TNRC18: variants seen among roughly 807,000 people sequenced by gnomAD.
TNRC18 encodes trinucleotide repeat containing 18.
TNRC18 carries 69 observed loss-of-function variants against 226.7 expected under a neutral mutation model. The observed-to-expected ratio is 0.30, with a 90% confidence interval of 0.25 to 0.37. The LOEUF (loss-of-function observed/expected upper bound fraction) is 0.37, where lower values mean the gene tolerates loss of function less well. Among genes scored for constraint, TNRC18 ranks in the 10% least tolerant of loss-of-function variants. The pLI is 1.00. For missense variants in TNRC18, 4,754 were observed against 4,256.6 expected (o/e 1.12, Z -3.25); for synonymous variants, 2,449 against 1,927.6 (o/e 1.27, Z -7.09).
rs527766744 is a variant in TNRC18 at position 5,338,100 on chromosome 7, A to T, written c.5720-5051T>A. Among the ~76,000 whole-genome samples, 282 of 152,344 alleles carry T rather than the reference A, an allele frequency of 1.9e-3. 3 individuals carry two copies. The highest frequency in any genetic ancestry group is 6.1e-3 in the African/African-American group (255 of 41,584). On this transcript the variant is annotated intron_variant, in intron 18 of 29. Transcript: ENST00000430969. ...GTATGATATGGACTTACAAAGTTGCAAGATTTCTGTATTTTATGTGAAAAA... is the reference window on the plus strand; with the variant it reads ...GTATGATATGGACTTACAAAGTTGCTAGATTTCTGTATTTTATGTGAAAAA...
At chr7:5,397,438 G>A (rs1056323777) in intron 2 of TNRC18, among the ~76,000 whole-genome samples, 12 of 152,188 alleles carry the variant, frequency 7.9e-5, no homozygotes, top group African/African-American at 2.9e-4. Context: ...CCCACCACAG[G>A]GCTCAATGGC....
rs142153526 is a variant in TNRC18 at position 5,349,487 on chromosome 7, G to C, written c.5470+2332C>G. 1.9e-4 allele frequency among the ~76,000 whole-genome samples: 29 copies of C among 152,324 alleles called. No homozygotes were observed. In the East Asian group the frequency reaches 4.0e-3, roughly 21 times the overall value. On this transcript the variant is annotated intron_variant, in intron 17 of 29. Transcript: ENST00000430969. The stretch of plus-strand genomic sequence containing the variant: ...TCTTGGCTCAGGACATGGGGTTGGC[G>C]GTGACAGGTTGGTGGTAAATGTCAG...
At chr7:5,331,545 T>G (rs1789521665) in intron 19 of TNRC18, among the ~76,000 whole-genome samples, 1 of 150,590 alleles carries the variant, frequency 6.6e-6, no homozygotes, top group South Asian at 2.1e-4. Flanking sequence ...AACCACAGAG[T>G]CTTGCAGCAA....
chr7:5,402,519 C>A (rs568330784), intron 2 of TNRC18, among the ~76,000 whole-genome samples: 7 of 150,096 alleles, frequency 4.7e-5, no homozygotes, highest in African/African-American at 1.7e-4. Flanking sequence ...TGTGACAGAG[C>A]GAGACCCTGT....
At position 5,324,611 on chromosome 7, in the gene TNRC18, G is replaced by A. The variant is rs1788711573; in HGVS notation, c.6301-256C>T. On this transcript the variant is annotated intron_variant, in intron 20 of 29. Transcript: ENST00000430969. The surrounding 1 kb of genome is among the most constrained non-coding windows in gnomAD (Gnocchi z 4.8). ...GCTCAGTATCAGCACTCAGCACTCA[G>A]TACTCACTACCATACCTCAGTCCAT... 6.6e-6 allele frequency among the ~76,000 whole-genome samples: 1 copy of A among 152,234 alleles called. No individual in the cohort carries two copies. Among genetic ancestry groups the A allele is most frequent in the Admixed American group, 6.5e-5 (1 of 15,272 alleles).
chr7:5,377,723 CCA>C lies in TNRC18; in HGVS notation c.2256-149_2256-148del, dbSNP rs1779098419. The C allele has an allele frequency of 9.2e-6, 10 of 1,085,630 alleles. No homozygotes were observed. In the South Asian group the frequency reaches 1.6e-4, roughly 17 times the overall value. The allele number at this position is 1,085,630 out of a possible 1,614,324, so 67.2% of individuals were successfully genotyped here. On this transcript the variant is annotated intron_variant, in intron 6 of 29. Coordinates refer to ENST00000430969, the MANE Select transcript of TNRC18 (RefSeq NM_001080495.3). This position sits in a 1 kb window ranked among gnomAD's most constrained non-coding sequence, Gnocchi z 5.8. ...GAACTGAAGGGCCTCCCGGGGCCTT[CCA>C]CACTCACTGTAGGGGCAGTGGGGCC... is the stretch of plus-strand genomic sequence containing the variant.
At chr7:5,330,911 G>A (rs975773319) in intron 19 of TNRC18, among the ~76,000 whole-genome samples, 7 of 152,164 alleles carry the variant, frequency 4.6e-5, no homozygotes, top group African/African-American at 1.4e-4. Flanking sequence ...CTGACCTCAA[G>A]TGATCCACCC....
At chr7:5,371,841 G>A (rs1051464087) in intron 10 of TNRC18, among the ~76,000 whole-genome samples, 1 of 152,114 alleles carries the variant, frequency 6.6e-6, no homozygotes, top group African/African-American at 2.4e-5. Context: ...GAGGCCAAAG[G>A]GGGATGATCG....
intron 3 of TNRC18, among the ~76,000 whole-genome samples, chr7:5,391,588 G>A (rs1364304856): frequency 6.6e-6 from 1 of 151,884 alleles, no homozygotes; most frequent in Admixed American, 6.6e-5. Flanking sequence ...TGGGATTACA[G>A]GTGTGAGCCA....
chr7:5,347,189 A>ATTTT (rs1317535974), intron 17 of TNRC18, among the ~76,000 whole-genome samples: 5 of 132,264 alleles, frequency 3.8e-5, no homozygotes, highest in African/African-American at 1.4e-4. Context: ...AAAAAAAAAA[A>ATTTT]TTTTTTTTTT....
rs780056078 is a variant in TNRC18, at chr7:5,313,022, G to A, written c.7869C>T (p.Ser2623=). The A allele has an allele frequency of 8.3e-6, 7 of 843,390 alleles. No individual in the cohort carries two copies. The highest frequency in any genetic ancestry group is 1.1e-5 in the Non-Finnish European group (6 of 527,844). The allele number at this position is 843,390 out of a possible 1,614,324, so 52.2% of individuals were successfully genotyped here. The part of the protein sequence containing the change: ...ASSSSSSSSS[S]SSSSSSSSSS... ...AGGAGGATGAGGAGGAGGAGGAGGAGGAGGAGGAGGATGAGGAGGAGGAGG... is the reference window on the plus strand; with the variant it reads ...AGGAGGATGAGGAGGAGGAGGAGGAAGAGGAGGAGGATGAGGAGGAGGAGG... Residue 2623 remains serine, a synonymous_variant, in exon 27 of 30, where the codon TCC becomes TCT. Coordinates refer to ENST00000430969, the MANE Select transcript of TNRC18 (RefSeq NM_001080495.3).
At chr7:5,353,392 CTG>C (rs768839888) in intron 16 of TNRC18, among the ~76,000 whole-genome samples, 1 of 152,028 alleles carries the variant, frequency 6.6e-6, no homozygotes, top group Non-Finnish European at 1.5e-5. Flanking sequence ...AATACACAAA[CTG>C]TTGTATTTTC....
At chr7:5,354,746 G>A (rs530355503) in intron 16 of TNRC18, among the ~76,000 whole-genome samples, 18 of 152,142 alleles carry the variant, frequency 1.2e-4, no homozygotes, top group African/African-American at 3.6e-4. Flanking sequence ...CGAAACACAC[G>A]CACCCTGAAA....
intron 18 of TNRC18, among the ~76,000 whole-genome samples, chr7:5,344,521 T>G (rs945939244): frequency 6.6e-6 from 1 of 151,994 alleles, no homozygotes; most frequent in Non-Finnish European, 1.5e-5. Flanking sequence ...CAAATGGGGT[T>G]CCAAGACACT....
At chr7:5,340,969 C>T (rs1790625245) in intron 18 of TNRC18, among the ~76,000 whole-genome samples, 2 of 152,076 alleles carry the variant, frequency 1.3e-5, no homozygotes. Flanking sequence ...AAGTCAGTGC[C>T]TGGTTTAAAA....
chr7:5,360,961 A>G (rs1792974163), intron 14 of TNRC18, among the ~76,000 whole-genome samples: 2 of 151,020 alleles, frequency 1.3e-5, no homozygotes, highest in African/African-American at 4.9e-5. Context: ...GGCTCCCAAC[A>G]CTCCAACCCC....
intron 2 of TNRC18, among the ~76,000 whole-genome samples, chr7:5,400,782 T>C (rs1781031556): frequency 1.3e-5 from 2 of 152,182 alleles, no homozygotes; most frequent in Admixed American, 6.5e-5. Context: ...CTCACACCTT[T>C]AATCTCAGCA....
At chr7:5,334,737 T>C (rs1233748840) in intron 18 of TNRC18, among the ~76,000 whole-genome samples, 1 of 152,024 alleles carries the variant, frequency 6.6e-6, no homozygotes, top group African/African-American at 2.4e-5. Flanking sequence ...CCCCCAGAGA[T>C]CCACTGGAAC....
chr7:5,420,321 CTT>C (rs1562649142), intron 2 of TNRC18: 1 of 454,124 alleles, frequency 2.2e-6, no homozygotes, highest in Non-Finnish European at 4.4e-6. Context: ...GACCCGCTCT[CTT>C]CTTTCCCCCT....
Sources: gnomAD v4.1 joint callset for allele counts (sites outside exome capture counted in the v4.1 genomes callset) on GRCh38, gnomAD v4.1.1 for gene constraint, Gnocchi (gnomAD v3.1) non-coding constraint, MANE v1.5 for transcripts, NCBI Gene and HGNC (gene_info 2026-07-23, HGNC 2026-07-21) for gene names.